INAVA: variants seen among roughly 807,000 people sequenced by gnomAD.
INAVA encodes the protein innate immunity activator, also known as innate immunity activator protein.
INAVA carries 32 observed loss-of-function variants against 55.3 expected under a neutral mutation model. The ratio of observed to expected loss-of-function variants is 0.58; its 90% CI spans 0.44 to 0.78. The LOEUF is 0.78. Ranked by LOEUF, INAVA falls within the 30% of genes least tolerant of loss-of-function variation. The probability of loss-of-function intolerance (pLI) is 0.00; values close to 1 mark genes in which losing one functional copy is unlikely to be tolerated. For missense variants in INAVA, 756 were observed against 786.4 expected, an observed-to-expected ratio of 0.96 and a Z score of 0.46; for synonymous variants, 294 against 329.4, an observed-to-expected ratio of 0.89 and a Z score of 1.16.
chr1:200,905,230 C>T (rs1057493188), intron 5 of INAVA, among the ~76,000 whole-genome samples: 1 of 152,158 alleles, frequency 6.6e-6, no homozygotes, highest in Non-Finnish European at 1.5e-5. Flanking sequence ...ACTGCCTGCT[C>T]TGGGTAAAGA....
At chr1:200,902,703 G>C (rs532109657) in intron 5 of INAVA, among the ~76,000 whole-genome samples, 1 of 152,222 alleles carries the variant, frequency 6.6e-6, no homozygotes, top group Non-Finnish European at 1.5e-5. Flanking sequence ...GGTCAGGGTG[G>C]TGAGATATGC....
At chr1:200,899,728 G>A in intron 3 of INAVA, 131 bp downstream of exon 3, 3 of 1,355,148 alleles carry the variant, frequency 2.2e-6, no homozygotes, top group East Asian at 2.5e-5. Flanking sequence ...CTGGGGGCTG[G>A]GGCCCAGAGT....
At chr1:200,895,495 G>C (rs894805823) in intron 1 of INAVA, among the ~76,000 whole-genome samples, 2 of 151,880 alleles carry the variant, frequency 1.3e-5, no homozygotes, top group African/African-American at 4.8e-5. Context: ...TTAGGGCCCA[G>C]TACTGGAGCT....
intron 8 of INAVA, among the ~76,000 whole-genome samples, chr1:200,909,846 C>T (rs188710052): frequency 1.3e-5 from 2 of 152,254 alleles, no homozygotes; most frequent in Admixed American, 6.5e-5. Flanking sequence ...GTTAGGTTCC[C>T]GTGAGCCTTT....
chr1:200,892,779 G>A (rs1010409679), upstream of INAVA, among the ~76,000 whole-genome samples: 2 of 152,198 alleles, frequency 1.3e-5, no homozygotes, highest in Admixed American at 6.5e-5. Flanking sequence ...ATGGCTCCCC[G>A]GGGTTCTTGG....
intron 1 of INAVA, among the ~76,000 whole-genome samples, chr1:200,897,315 G>A (rs1354576945): frequency 6.6e-6 from 1 of 152,256 alleles, no homozygotes. Context: ...GCTGTGGGGT[G>A]TAGGGGATCT....
chr1:200,908,038 G>GC, intron 6 of INAVA, 151 bp downstream of exon 6: 2 of 579,472 alleles, frequency 3.5e-6, no homozygotes, highest in East Asian at 5.6e-5. Flanking sequence ...GTCAATTTCC[G>GC]CATGTCCTTG....
At chr1:200,909,125 C>A in intron 7 of INAVA, 99 bp from the exon 8 acceptor site, 1 of 1,406,970 alleles carries the variant, frequency 7.1e-7, no homozygotes, top group Non-Finnish European at 9.6e-7. Context: ...GCCCTACTAA[C>A]TTTGGGAGCC....
chr1:200,899,678 G>A lies in INAVA; in HGVS notation c.180+81G>A, dbSNP rs1172391360. The A allele has an allele frequency of 2.6e-6, 4 of 1,544,512 alleles. No individual in the cohort carries two copies. The East Asian group carries it at 7.1e-5, about 27-fold the overall frequency. ...CACGTGTGGGGATGCGGGAGCTGGG[G>A]AGAGGGAGCCCCATTCTTGAGGGAA... On this transcript the variant is annotated intron_variant, in intron 3 of 9. Transcript: ENST00000413687.
chr1:200,901,221 G>A (rs1050425909), intron 5 of INAVA, 62 bp downstream of exon 5: 64 of 1,399,770 alleles, frequency 4.6e-5, no homozygotes, highest in Admixed American at 2.1e-4. Context: ...GATGGTGGGC[G>A]CACAGCCCCG....
At chr1:200,894,867 A>T (rs1248060677), upstream of INAVA, 1 of 985,426 alleles carries the variant, frequency 1.0e-6, no homozygotes, top group African/African-American at 1.7e-5. Flanking sequence ...CCTCTGACTC[A>T]AGTCATAACA....
At chr1:200,900,353 T>G in intron 4 of INAVA, 133 bp downstream of exon 4, 1 of 739,032 alleles carries the variant, frequency 1.4e-6, no homozygotes, top group Non-Finnish European at 2.3e-6. Context: ...TGGCTGCCTG[T>G]TGGTGAGAGA....
At position 200,908,795 on chromosome 1, in the gene INAVA, C is replaced by G; in HGVS notation, c.640C>G (p.Gln214Glu). ...PAPPSRPLPP[Q>E]TLEGLQPTGP... ...CCCACCTTCTCGGCCTCTCCCACCCCAAACCCTTGAGGGTCTGCAGCCAAC... is the reference window on the plus strand; with the variant it reads ...CCCACCTTCTCGGCCTCTCCCACCCGAAACCCTTGAGGGTCTGCAGCCAAC... Residue 214 changes from glutamine to glutamate, a missense_variant, in exon 7 of 10, where the codon CAA becomes GAA. Physicochemically the swap from Gln to Glu is conservative, Grantham distance 29 (BLOSUM62 2). Coordinates refer to ENST00000413687, the MANE Select transcript of INAVA (RefSeq NM_001142569.3). 6.2e-7 allele frequency: 1 copy of G among 1,613,428 alleles called. No individual in the cohort carries two copies. The highest frequency in any genetic ancestry group is 1.1e-5 in the South Asian group (1 of 90,928).
chr1:200,892,135 T>G (rs1668251178), upstream of INAVA, among the ~76,000 whole-genome samples: 2 of 152,140 alleles, frequency 1.3e-5, no homozygotes, highest in South Asian at 4.1e-4. Context: ...GCGAACACCT[T>G]TCCTAGTGAG....
chr1:200,911,506 GC>G lies in INAVA; in HGVS notation c.1015del (p.Arg339AlafsTer8). 1 of 1,613,592 alleles carries G rather than the reference GC, an allele frequency of 6.2e-7. No individual in the cohort carries two copies. The highest frequency in any genetic ancestry group is 8.5e-7 in the Non-Finnish European group (1 of 1,179,890). Reference sequence around the variant, plus strand: ...GGCCGAGGTCGCAGCGCCTTTCCCCGCCGCCGCCCCACTCACTACACGGTGA... The same window carrying G: ...GGCCGAGGTCGCAGCGCCTTTCCCCGCGCCGCCCCACTCACTACACGGTGA... ...PEGRGRSAFP[R>X]RRPTHYTVTV... On this transcript the variant is annotated frameshift_variant, in exon 9 of 10. Coordinates refer to ENST00000413687, the MANE Select transcript of INAVA (RefSeq NM_001142569.3). LOFTEE classifies it high-confidence loss of function.
chr1:200,893,525 G>T (rs1183846683), upstream of INAVA, among the ~76,000 whole-genome samples: 1 of 152,136 alleles, frequency 6.6e-6, no homozygotes, highest in Admixed American at 6.5e-5. Flanking sequence ...GAGGGACGGT[G>T]TGTCACGGAG....
In INAVA at chr1:200,901,106, A is replaced by G. The variant is rs948090808; in HGVS notation, c.467A>G (p.Glu156Gly). 2 of 1,534,834 alleles carry G rather than the reference A, an allele frequency of 1.3e-6. No individual in the cohort carries two copies. Among genetic ancestry groups the G allele is most frequent in the Non-Finnish European group, 1.7e-6 (2 of 1,145,270 alleles). ...KLQELQRCLV[E>G]RRRNSEPPPA... ...CAGGAGCTCCAGCGCTGCCTGGTCG[A>G]GCGGCGGCGCAATAGCGAGCCACCT... The change falls in exon 5 of 10, where the codon GAG becomes GGG. Residue 156 changes from glutamate to glycine, a missense_variant. Transcript: ENST00000413687.
At chr1:200,911,317 T>A in intron 8 of INAVA, 136 bp from the exon 9 acceptor site, 1 of 853,738 alleles carries the variant, frequency 1.2e-6, no homozygotes, top group East Asian at 2.4e-5. Flanking sequence ...AGACTTGACC[T>A]AAGACCCTTG....
intron 1 of INAVA, 52 bp from the exon 2 acceptor site, chr1:200,898,255 C>T: frequency 1.3e-6 from 2 of 1,579,308 alleles, no homozygotes; most frequent in South Asian, 2.3e-5. Context: ...TTTTTGTAAC[C>T]AAGATGGTTC....
Sources: allele counts gnomAD v4.1 joint callset (sites outside exome capture counted in the v4.1 genomes callset), GRCh38; gene constraint gnomAD v4.1.1; transcripts MANE v1.5; gene names NCBI Gene and HGNC (gene_info 2026-07-23, HGNC 2026-07-21).